Variants in PCDHGA6 observed in about 807,000 individuals in gnomAD.
PCDHGA6 encodes protocadherin gamma subfamily A, 6.
A neutral mutation model predicts 60.6 loss-of-function variants in PCDHGA6; 41 were observed. That is an observed-to-expected ratio of 0.68 (90% CI 0.53 to 0.88). PCDHGA6 has a LOEUF of 0.88. Ranked by LOEUF, PCDHGA6 falls within the 40% of genes least tolerant of loss-of-function variation. The probability of loss-of-function intolerance (pLI) is 0.00; values close to 1 mark genes in which losing one functional copy is unlikely to be tolerated. For missense variants in PCDHGA6, 1,312 were observed against 1,203.0 expected, an observed-to-expected ratio of 1.09 and a Z score of -1.34; for synonymous variants, 594 against 524.4, an observed-to-expected ratio of 1.13 and a Z score of -1.81.
At chr5:141,505,332 A>C in intron 2 of PCDHGA6, 61 bp from the exon 3 acceptor site, 1 of 1,610,872 alleles carries the variant, frequency 6.2e-7, no homozygotes, top group South Asian at 1.1e-5. Flanking sequence ...GGGAGAGGAC[A>C]GGAGGGGCAT....
chr5:141,500,104 T>C (rs917633032), intron 2 of PCDHGA6, among the ~76,000 whole-genome samples: 1 of 152,124 alleles, frequency 6.6e-6, no homozygotes, highest in Non-Finnish European at 1.5e-5. Context: ...AATTTATTTG[T>C]TGAATCCCTG....
At position 141,375,104 on chromosome 5, in the gene PCDHGA6, A is replaced by G. The variant is rs762208267; in HGVS notation, c.1021A>G (p.Asn341Asp). The stretch of plus-strand genomic sequence containing the variant: ...AGTCTTAATAACTATCTTGGATGTC[A>G]ATGATAATGTACCAGAAGTGGTTGT... ...AKVLITILDV[N>D]DNVPEVVVTS... is the part of the protein sequence containing the mutation. The change falls in exon 1 of 4, where the codon AAT becomes GAT. Residue 341 changes from asparagine (N) to aspartate (D), a missense_variant. By Grantham distance (23) the Asn-to-Asp change is conservative (BLOSUM62 1). Transcript: ENST00000517434. 1 of 1,613,956 alleles carries G rather than the reference A, an allele frequency of 6.2e-7. No homozygotes were observed. The highest frequency in any genetic ancestry group is 8.5e-7 in the Non-Finnish European group (1 of 1,179,890).
intron 1 of PCDHGA6, chr5:141,400,123 G>T: frequency 6.2e-7 from 1 of 1,614,082 alleles, no homozygotes; most frequent in Non-Finnish European, 8.5e-7. Flanking sequence ...CAGCTTGCAG[G>T]AGGTGCTGCC....
chr5:141,490,612 C>G lies in PCDHGA6; in HGVS notation c.2425-4195C>G, dbSNP rs1393568166. ...CAATGCACCCCGCTTCAACCAGCAG[C>G]TTTACACTGCTTACATCCTAGAAAA... On this transcript the variant is annotated intron_variant, in intron 1 of 3. Coordinates refer to ENST00000517434, the MANE Select transcript of PCDHGA6 (RefSeq NM_018919.3). This position sits in a 1 kb window ranked among gnomAD's most constrained non-coding sequence, Gnocchi z 5.4. The G allele has an allele frequency of 6.2e-7, 1 of 1,614,082 alleles. No homozygotes were observed. Among genetic ancestry groups the G allele is most frequent in the Non-Finnish European group, 8.5e-7 (1 of 1,180,032 alleles).
In PCDHGA6 at chr5:141,463,438, C is replaced by CTTT. The variant is rs71576115; in HGVS notation, c.2425-31343_2425-31341dup. ...GTTTGCGGATCCTCATTTCCTTCTC[C>CTTT]TTTTTTTTTTTTTTTTTTTTTTTTT... On this transcript the variant is annotated intron_variant, in intron 1 of 3. Coordinates refer to ENST00000517434, the MANE Select transcript of PCDHGA6 (RefSeq NM_018919.3). 5.0e-3 allele frequency among the ~76,000 whole-genome samples: 517 copies of CTTT among 103,248 alleles called. 61 individuals are homozygous for CTTT. The highest frequency in any genetic ancestry group is 0.017 in the African/African-American group (381 of 22,398). The allele number at this position is 103,248 out of a possible 152,430, so 67.7% of individuals were successfully genotyped here.
At chr5:141,417,703 C>A in intron 1 of PCDHGA6, 1 of 1,205,130 alleles carries the variant, frequency 8.3e-7, no homozygotes, top group Non-Finnish European at 1.1e-6. Context: ...AGCTCCCACA[C>A]AGAGGCTCCC....
intron 3 of PCDHGA6, 162 bp downstream of exon 3, chr5:141,505,643 T>C: frequency 1.0e-6 from 1 of 967,852 alleles, no homozygotes. Context: ...AAGCCTGGAA[T>C]TGTGGCTAAG....
chr5:141,510,251 C>T (rs569804850), intron 3 of PCDHGA6, among the ~76,000 whole-genome samples: 5 of 144,790 alleles, frequency 3.5e-5, no homozygotes, highest in South Asian at 4.3e-4. Flanking sequence ...CCAGGCTGGG[C>T]GACAGAGCAG....
At chr5:141,399,378 C>T (rs368139061) in intron 1 of PCDHGA6, 1,186 of 1,613,874 alleles carry the variant, frequency 7.3e-4, no homozygotes, top group Non-Finnish European at 9.6e-4. Flanking sequence ...ACAATGTCAC[C>T]ATCACAGCCA....
At chr5:141,418,381 T>C in intron 1 of PCDHGA6, 3 of 1,613,998 alleles carry the variant, frequency 1.9e-6, no homozygotes, top group Non-Finnish European at 2.5e-6. Flanking sequence ...AACTAAGTCC[T>C]AACGAGTATT....
intron 1 of PCDHGA6, among the ~76,000 whole-genome samples, chr5:141,472,648 C>G (rs762736307): frequency 1.3e-5 from 2 of 151,864 alleles, no homozygotes; most frequent in African/African-American, 4.8e-5. Flanking sequence ...TGTGTTGAAT[C>G]AGTATATAAA....
intron 1 of PCDHGA6, chr5:141,427,842 C>T: frequency 6.5e-7 from 1 of 1,549,268 alleles, no homozygotes. Flanking sequence ...TGCCTTCGAC[C>T]ACGAGCAGCT....
At chr5:141,471,660 A>G (rs1010236543) in intron 1 of PCDHGA6, 12 of 152,184 alleles carry the variant, frequency 7.9e-5, no homozygotes, top group Non-Finnish European at 1.8e-4. Flanking sequence ...GTGGGGATGC[A>G]GAAAAAAATA....
rs1349935659 is a variant in PCDHGA6 at position 141,507,722 on chromosome 5, A to C, written c.2572+2241A>C. 6.6e-5 allele frequency among the ~76,000 whole-genome samples: 10 copies of C among 152,354 alleles called. No homozygotes were observed. In the East Asian group the frequency reaches 1.9e-3, roughly 29 times the overall value. ...ATTTATGGCCCCAAACCCTCCAAGC[A>C]AGTCATGCAGCTCGTTCCCCTGTCA... On this transcript the variant is annotated intron_variant, in intron 3 of 3. Coordinates refer to ENST00000517434, the MANE Select transcript of PCDHGA6 (RefSeq NM_018919.3).
At chr5:141,455,634 G>T (rs1429708887) in intron 1 of PCDHGA6, among the ~76,000 whole-genome samples, 1 of 152,110 alleles carries the variant, frequency 6.6e-6, no homozygotes, top group African/African-American at 2.4e-5. Context: ...GAGATATGTG[G>T]GGGGCAGCCA....
At chr5:141,488,932 A>G (rs2233598) in intron 1 of PCDHGA6, among the ~76,000 whole-genome samples, 31,368 of 152,090 alleles carry the variant, frequency 0.21, 3,372 homozygotes, top group Admixed American at 0.31. Flanking sequence ...GGATTGAGGA[A>G]ACTCCATAAT....
chr5:141,431,498 T>C lies in PCDHGA6; in HGVS notation c.2424+54991T>C, dbSNP rs1274311782. On this transcript the variant is annotated intron_variant, in intron 1 of 3. Coordinates refer to ENST00000517434, the MANE Select transcript of PCDHGA6 (RefSeq NM_018919.3). The surrounding 1 kb of genome is among the most constrained non-coding windows in gnomAD (Gnocchi z 4.8). ...CGCACCAGCGTTTGCTCAGCCCGAG[T>C]ACCGCGCGAGCGTTCCGGAGAATCT... The C allele has an allele frequency of 6.2e-7, 1 of 1,613,992 alleles. No homozygotes were observed. Among genetic ancestry groups the C allele is most frequent in the Non-Finnish European group, 8.5e-7 (1 of 1,180,034 alleles).
intron 1 of PCDHGA6, chr5:141,395,958 A>G (rs1224647324): frequency 6.6e-6 from 1 of 152,208 alleles, no homozygotes; most frequent in Admixed American, 6.5e-5. Context: ...ACAAAAAACA[A>G]AAGCAAAAAC....
intron 1 of PCDHGA6, chr5:141,393,056 C>A: frequency 6.2e-7 from 1 of 1,613,606 alleles, no homozygotes; most frequent in Non-Finnish European, 8.5e-7. Flanking sequence ...ACCCGCGCAG[C>A]GGCAGCTTGA....
Sources: gnomAD v4.1 joint callset for allele counts (sites outside exome capture counted in the v4.1 genomes callset) on GRCh38, gnomAD v4.1.1 for gene constraint, Gnocchi (gnomAD v3.1) non-coding constraint, MANE v1.5 for transcripts, NCBI Gene and HGNC (gene_info 2026-07-23, HGNC 2026-07-21) for gene names.